CACNA1C: variants seen among roughly 807,000 people sequenced by gnomAD.
CACNA1C encodes calcium voltage-gated channel subunit alpha1 C.
In CACNA1C, 30 loss-of-function variants were observed where a neutral mutation model predicts 229.0. The observed-to-expected ratio is 0.13, with a 90% confidence interval of 0.10 to 0.18. CACNA1C has a LOEUF of 0.18. Ranked by LOEUF, CACNA1C falls within the 10% of genes least tolerant of loss-of-function variation. The pLI is 1.00. For synonymous variants in CACNA1C, 1,114 were observed against 1,132.5 expected, an observed-to-expected ratio of 0.98 and a Z score of 0.33; for missense variants, 1,658 against 2,845.0, an observed-to-expected ratio of 0.58 and a Z score of 9.49.
chr12:2,024,922 G>T (rs2047053523), intron 1 of CACNA1C, among the ~76,000 whole-genome samples: 1 of 152,216 alleles, frequency 6.6e-6, no homozygotes, highest in Admixed American at 6.5e-5. Flanking sequence ...CTCTGTGCTA[G>T]TCCAGTCTGG....
Position 2,605,035 on chromosome 12 carries a change from C to G in CACNA1C, c.2961-46C>G, listed in dbSNP as rs369863266. 183 of 1,432,858 alleles carry G rather than the reference C, an allele frequency of 1.3e-4. 1 individual carries two copies. In the African/African-American group the frequency reaches 1.4e-3, roughly 11 times the overall value. 88.8% of individuals were successfully genotyped at this position (1,432,858 alleles called of 1,614,324 possible). A position where few individuals can be genotyped will look rare whatever the true frequency, so the allele number is the denominator to read the frequency against. ...CCTTACCACATTATTTTTGCTCCCCCCAGAAACAGGAGGAGCTTACTACCC... is the reference window on the plus strand; with the variant it reads ...CCTTACCACATTATTTTTGCTCCCCGCAGAAACAGGAGGAGCTTACTACCC... On this transcript the variant is annotated intron_variant, in intron 22 of 46. Transcript: ENST00000399655. This position sits in a 1 kb window ranked among gnomAD's most constrained non-coding sequence, Gnocchi z 6.2.
intron 5 of CACNA1C, among the ~76,000 whole-genome samples, chr12:2,465,481 T>G (rs1436445795): frequency 1.3e-5 from 2 of 152,140 alleles, no homozygotes; most frequent in African/African-American, 4.8e-5. Flanking sequence ...GGTGAAAACC[T>G]TGTTTGTTTA....
chr12:2,508,910 A>G (rs2099777537), intron 8 of CACNA1C, among the ~76,000 whole-genome samples: 1 of 152,232 alleles, frequency 6.6e-6, no homozygotes, highest in Non-Finnish European at 1.5e-5. Context: ...ACTTCCCCTC[A>G]GAAAGCTCAA....
chr12:1,977,678 C>T (rs1250644425), intron 1 of CACNA1C, among the ~76,000 whole-genome samples: 1 of 152,166 alleles, frequency 6.6e-6, no homozygotes, highest in Non-Finnish European at 1.5e-5. Context: ...ACTGCCTTCT[C>T]AATAGCCTAG....
intron 1 of CACNA1C, among the ~76,000 whole-genome samples, chr12:2,019,529 AAAAG>A (rs1446357288): frequency 1.3e-5 from 2 of 150,078 alleles, no homozygotes; most frequent in Non-Finnish European, 3.0e-5. Context: ...GGAAGGAAGG[AAAAG>A]AAAGGAAGGA....
At chr12:2,658,410 T>A (rs1474404232) in intron 34 of CACNA1C, among the ~76,000 whole-genome samples, 1 of 152,202 alleles carries the variant, frequency 6.6e-6, no homozygotes, top group African/African-American at 2.4e-5. Context: ...AAAATGGAGC[T>A]GAAAACTTCC....
At chr12:2,056,589 A>T (rs1327670003) in intron 1 of CACNA1C, among the ~76,000 whole-genome samples, 1 of 152,220 alleles carries the variant, frequency 6.6e-6, no homozygotes, top group Non-Finnish European at 1.5e-5. Context: ...GCAGAATAAG[A>T]ATCACTGTAA....
chr12:2,450,553 CAAAAA>C (rs796416420), intron 4 of CACNA1C, among the ~76,000 whole-genome samples: 1 of 39,020 alleles, frequency 2.6e-5, no homozygotes, highest in African/African-American at 8.4e-5. Flanking sequence ...GACTCCATCT[CAAAAA>C]AAAAAAAAAA....
At chr12:2,663,219 T>C (rs898667338) in intron 34 of CACNA1C, among the ~76,000 whole-genome samples, 3 of 152,248 alleles carry the variant, frequency 2.0e-5, no homozygotes, top group African/African-American at 7.2e-5. Flanking sequence ...AAGATATTTC[T>C]GTTGCATATA....
chr12:2,289,942 A>T (rs2093287809), intron 3 of CACNA1C, among the ~76,000 whole-genome samples: 1 of 152,228 alleles, frequency 6.6e-6, no homozygotes, highest in African/African-American at 2.4e-5. Context: ...TCTGCTTTAC[A>T]CATGCAGATG....
At chr12:2,518,655 C>T (rs546149079) in intron 9 of CACNA1C, among the ~76,000 whole-genome samples, 13 of 152,154 alleles carry the variant, frequency 8.5e-5, no homozygotes, top group South Asian at 4.1e-4. Flanking sequence ...CTAGATCTCT[C>T]GATACCTACA....
rs1192786839 is a variant in CACNA1C, at chr12:2,665,234, G to A, written c.4398+244G>A. Reference sequence around the variant, plus strand: ...GTTGTCATGGTGGCATTGTCCCAGAGGACAACGGGGACATGTGGGGGCCTA... The same window carrying A: ...GTTGTCATGGTGGCATTGTCCCAGAAGACAACGGGGACATGTGGGGGCCTA... On this transcript the variant is annotated intron_variant, in intron 35 of 46. Coordinates refer to ENST00000399655, the MANE Select transcript of CACNA1C (RefSeq NM_000719.7). This position sits in a 1 kb window ranked among gnomAD's most constrained non-coding sequence, Gnocchi z 5.9. 6.6e-6 allele frequency among the ~76,000 whole-genome samples: 1 copy of A among 152,222 alleles called. No individual in the cohort carries two copies. The highest frequency in any genetic ancestry group is 1.5e-5 in the Non-Finnish European group (1 of 68,040).
intron 3 of CACNA1C, among the ~76,000 whole-genome samples, chr12:2,256,254 A>C (rs2077728442): frequency 6.6e-6 from 1 of 152,170 alleles, no homozygotes; most frequent in Admixed American, 6.6e-5. Context: ...AGCCTTGCAC[A>C]TATTAAATTT....
At chr12:2,450,526 C>A (rs566499482) in intron 4 of CACNA1C, among the ~76,000 whole-genome samples, 1 of 122,450 alleles carries the variant, frequency 8.2e-6, no homozygotes, top group Non-Finnish European at 1.6e-5. Context: ...TGCACTCCAG[C>A]CTGGGCAACA....
At chr12:2,345,422 C>G (rs2096984817) in intron 3 of CACNA1C, among the ~76,000 whole-genome samples, 1 of 152,128 alleles carries the variant, frequency 6.6e-6, no homozygotes, top group South Asian at 2.1e-4. Flanking sequence ...CACTAACCAA[C>G]TGGTTCCAAA....
chr12:2,485,144 G>C (rs1276111440), intron 5 of CACNA1C, among the ~76,000 whole-genome samples: 2 of 152,076 alleles, frequency 1.3e-5, no homozygotes, highest in Admixed American at 1.3e-4. Flanking sequence ...CGACTTGGAG[G>C]GGGGTTTCCT....
intron 1 of CACNA1C, among the ~76,000 whole-genome samples, chr12:2,003,963 G>A (rs940381628): frequency 1.5e-4 from 23 of 152,052 alleles, no homozygotes; most frequent in African/African-American, 5.3e-4. Flanking sequence ...CGAGCACATC[G>A]GTCTTCCGGC....
chr12:2,439,334 A>G (rs2099192387), intron 3 of CACNA1C, among the ~76,000 whole-genome samples: 2 of 152,202 alleles, frequency 1.3e-5, no homozygotes, highest in African/African-American at 4.8e-5. Context: ...GGCAAATCAA[A>G]TGCCCCATGC....
chr12:2,602,630 T>TTGTGTGTG lies in CACNA1C; in HGVS notation c.2960+703_2960+710dup, dbSNP rs3062140. ...GTGTGTGACTGTGTATATTTGTGTC[T>TTGTGTGTG]TGTGTGTGTGTGTGTGTGTGTGTGT... On this transcript the variant is annotated intron_variant, in intron 22 of 46. Transcript: ENST00000399655. The surrounding 1 kb of genome is among the most constrained non-coding windows in gnomAD (Gnocchi z 4.4). Among the ~76,000 whole-genome samples, 29 of 140,908 alleles carry TTGTGTGTG rather than the reference T, an allele frequency of 2.1e-4. No individual in the cohort carries two copies. Among genetic ancestry groups the TTGTGTGTG allele is most frequent in the African/African-American group, 8.0e-4 (29 of 36,226 alleles). 92.4% of individuals were successfully genotyped at this position (140,908 alleles called of 152,430 possible). A position where few individuals can be genotyped will look rare whatever the true frequency, so the allele number is the denominator to read the frequency against.
Sources: allele counts gnomAD v4.1 joint callset (sites outside exome capture counted in the v4.1 genomes callset), GRCh38; gene constraint gnomAD v4.1.1; non-coding constraint Gnocchi (gnomAD v3.1); transcripts MANE v1.5; gene names NCBI Gene and HGNC (gene_info 2026-07-23, HGNC 2026-07-21).